The following COL23A1 variants were observed in gnomAD, a reference collection of about 807,000 sequenced individuals.
The protein encoded by COL23A1 is collagen type XXIII alpha 1 chain.
In COL23A1, 97 loss-of-function variants were observed where a neutral mutation model predicts 99.3. That is an observed-to-expected ratio of 0.98 (90% CI 0.83 to 1.16). COL23A1 has a LOEUF of 1.16. Ranked by LOEUF, COL23A1 falls within the 50% of genes most tolerant of loss-of-function variation. The pLI is 0.00. For synonymous variants in COL23A1, 320 were observed against 308.2 expected (o/e 1.04, Z -0.40); for missense variants, 762 against 757.4 (o/e 1.01, Z -0.07).
rs573267983 is a variant in COL23A1 at position 178,327,911 on chromosome 5, C to T, written c.362-20992G>A. Among the ~76,000 whole-genome samples the T allele has an allele frequency of 1.2e-3, 187 of 152,184 alleles. 1 individual carries two copies. Among genetic ancestry groups the T allele is most frequent in the Non-Finnish European group, 2.1e-3 (141 of 68,032 alleles). Reference sequence around the variant, plus strand: ...CTCCCTGTGTGGGAAACTGAGTGCTCAAAGGACCCCGGCAAGCCCTGCTGT... The same window carrying T: ...CTCCCTGTGTGGGAAACTGAGTGCTTAAAGGACCCCGGCAAGCCCTGCTGT... On this transcript the variant is annotated intron_variant, in intron 2 of 28. Coordinates refer to ENST00000390654, the MANE Select transcript of COL23A1 (RefSeq NM_173465.4).
intron 5 of COL23A1, among the ~76,000 whole-genome samples, chr5:178,273,598 C>T (rs1233135295): frequency 2.0e-5 from 3 of 152,324 alleles, no homozygotes; most frequent in African/African-American, 7.2e-5. Context: ...GTCCAATTCT[C>T]GGAAGCCGAG....
intron 1 of COL23A1, among the ~76,000 whole-genome samples, chr5:178,571,998 G>A (rs1763127059): frequency 6.9e-6 from 1 of 145,888 alleles, no homozygotes. Context: ...AACCTGAGAG[G>A]CGGAGCTTGC....
chr5:178,489,451 A>G (rs1757811700), intron 2 of COL23A1, among the ~76,000 whole-genome samples: 1 of 152,212 alleles, frequency 6.6e-6, no homozygotes, highest in African/African-American at 2.4e-5. Flanking sequence ...GCTTGTAAAC[A>G]GCCTGTCATG....
intron 2 of COL23A1, among the ~76,000 whole-genome samples, chr5:178,411,486 A>G (rs192230176): frequency 6.9e-4 from 105 of 152,376 alleles, no homozygotes; most frequent in African/African-American, 2.4e-3. Flanking sequence ...GTACTGATAC[A>G]TATTACAATG....
At chr5:178,368,020 G>A (rs536698359) in intron 2 of COL23A1, among the ~76,000 whole-genome samples, 21 of 152,312 alleles carry the variant, frequency 1.4e-4, no homozygotes, top group Non-Finnish European at 2.6e-4. Flanking sequence ...GGCCAGTGGC[G>A]CATGGAGGGG....
intron 2 of COL23A1, among the ~76,000 whole-genome samples, chr5:178,373,122 T>C (rs189894446): frequency 1.9e-4 from 29 of 152,126 alleles, no homozygotes; most frequent in Non-Finnish European, 3.2e-4. Flanking sequence ...AATCAAACCC[T>C]TGGTAAAAAG....
chr5:178,269,930 G>C (rs1237117465), intron 6 of COL23A1, among the ~76,000 whole-genome samples: 1 of 152,242 alleles, frequency 6.6e-6, no homozygotes, highest in Admixed American at 6.5e-5. Flanking sequence ...TCCTGGCCCA[G>C]ATGTTGAGAA....
chr5:178,502,378 G>A lies in COL23A1; in HGVS notation c.361+58304C>T, dbSNP rs28707624. On this transcript the variant is annotated intron_variant, in intron 2 of 28. Coordinates refer to ENST00000390654, the MANE Select transcript of COL23A1 (RefSeq NM_173465.4). Reference sequence around the variant, plus strand: ...GATCTTCTGACCTTGTGATCTGCCCGCCTCGGCCTCCCAAAGTGCTGGGAT... The same window carrying A: ...GATCTTCTGACCTTGTGATCTGCCCACCTCGGCCTCCCAAAGTGCTGGGAT... 9.9e-3 allele frequency among the ~76,000 whole-genome samples: 1,503 copies of A among 152,216 alleles called. 26 individuals are homozygous for A. The highest frequency in any genetic ancestry group is 0.032 in the African/African-American group (1,311 of 41,540).
At chr5:178,496,530 T>A (rs780239672) in intron 2 of COL23A1, among the ~76,000 whole-genome samples, 29 of 152,232 alleles carry the variant, frequency 1.9e-4, no homozygotes, top group Non-Finnish European at 3.1e-4. Context: ...TAAGAATACA[T>A]GGGAAGAAAA....
chr5:178,581,574 A>C (rs972620241), intron 1 of COL23A1, among the ~76,000 whole-genome samples: 17 of 143,284 alleles, frequency 1.2e-4, no homozygotes, highest in African/African-American at 5.1e-4. Flanking sequence ...TCAAAAAAAA[A>C]AAAAAAAATT....
At chr5:178,523,199 T>TAC (rs1269636962) in intron 2 of COL23A1, among the ~76,000 whole-genome samples, 3 of 75,968 alleles carry the variant, frequency 3.9e-5, no homozygotes, top group Admixed American at 1.7e-4. Flanking sequence ...TATATATATA[T>TAC]ATAGAGAGAG....
intron 2 of COL23A1, among the ~76,000 whole-genome samples, chr5:178,493,810 G>A (rs950008216): frequency 6.6e-6 from 1 of 152,236 alleles, no homozygotes; most frequent in Non-Finnish European, 1.5e-5. Context: ...CTGGGCTGAT[G>A]CACTGAGGAC....
chr5:178,383,994 G>A (rs538934884), intron 2 of COL23A1, among the ~76,000 whole-genome samples: 19 of 152,260 alleles, frequency 1.2e-4, no homozygotes, highest in Admixed American at 1.1e-3. Flanking sequence ...GTTAGCAAAC[G>A]AGGCCACGCT....
chr5:178,359,093 G>A (rs1401827072), intron 2 of COL23A1, among the ~76,000 whole-genome samples: 3 of 152,202 alleles, frequency 2.0e-5, no homozygotes, highest in Admixed American at 1.3e-4. Context: ...CAGGCTGAAA[G>A]GGGCTTGGGG....
chr5:178,539,245 G>T (rs1018144305), intron 2 of COL23A1, among the ~76,000 whole-genome samples: 1 of 152,078 alleles, frequency 6.6e-6, no homozygotes, highest in African/African-American at 2.4e-5. Flanking sequence ...TCTTAATAAA[G>T]CTGTTATGAG....
chr5:178,450,363 G>A (rs980145625), intron 2 of COL23A1, among the ~76,000 whole-genome samples: 4 of 152,202 alleles, frequency 2.6e-5, no homozygotes, highest in African/African-American at 7.2e-5. Context: ...CTTCCTTCTC[G>A]GGCTCACTCT....
At chr5:178,390,302 C>T (rs1484774774) in intron 2 of COL23A1, among the ~76,000 whole-genome samples, 7 of 152,204 alleles carry the variant, frequency 4.6e-5, no homozygotes, top group East Asian at 1.9e-4. Context: ...GTGGGATGTA[C>T]GGTCATTGTA....
chr5:178,358,278 G>GTA (rs1561896994), intron 2 of COL23A1, among the ~76,000 whole-genome samples: 22 of 144,612 alleles, frequency 1.5e-4, no homozygotes, highest in African/African-American at 5.7e-4. Flanking sequence ...GTATATGTGT[G>GTA]TATGCGTGTG....
chr5:178,277,471 G>A (rs546059283), intron 5 of COL23A1, among the ~76,000 whole-genome samples: 4 of 152,322 alleles, frequency 2.6e-5, no homozygotes, highest in Admixed American at 1.3e-4. Context: ...TTGAAAAGCC[G>A]GGAGATCTCG....
Sources: gnomAD v4.1 joint callset for allele counts (sites outside exome capture counted in the v4.1 genomes callset) on GRCh38, gnomAD v4.1.1 for gene constraint, MANE v1.5 for transcripts, NCBI Gene and HGNC (gene_info 2026-07-23, HGNC 2026-07-21) for gene names.